Variants in PCID2 observed in about 807,000 individuals in gnomAD.
The protein encoded by PCID2 is PCI domain containing 2.
In PCID2, 41 loss-of-function variants were observed where a neutral mutation model predicts 61.3. That is an observed-to-expected ratio of 0.67 (90% CI 0.52 to 0.87). The LOEUF (loss-of-function observed/expected upper bound fraction) is 0.87. Ranked by LOEUF, PCID2 falls within the 40% of genes least tolerant of loss-of-function variation. PCID2 has a pLI of 0.00. For missense variants in PCID2, 392 were observed against 493.4 expected (o/e 0.79, Z 1.95); for synonymous variants, 187 against 177.8 (o/e 1.05, Z -0.41).
chr13:113,176,688 C>T (rs1020623818), downstream of PCID2, among the ~76,000 whole-genome samples: 9 of 152,206 alleles, frequency 5.9e-5, no homozygotes, highest in South Asian at 4.2e-4. Context: ...ACTTGAGTCT[C>T]GGAGGTCGAG....
chr13:113,205,324 C>A (rs554875532), intron 1 of PCID2, among the ~76,000 whole-genome samples: 3 of 152,104 alleles, frequency 2.0e-5, no homozygotes, highest in African/African-American at 7.2e-5. Flanking sequence ...CAAGAAGATA[C>A]CACTCCGCAC....
chr13:113,199,695 T>C (rs2039275409), intron 2 of PCID2, among the ~76,000 whole-genome samples: 1 of 152,212 alleles, frequency 6.6e-6, no homozygotes, highest in African/African-American at 2.4e-5. Context: ...TCATCGAGTC[T>C]CTAGCACTAA....
chr13:113,168,208 G>A, the PCID2 span, among the ~76,000 whole-genome samples: 1 of 152,260 alleles, frequency 6.6e-6, no homozygotes, highest in Non-Finnish European at 1.5e-5. Context: ...TACATATATA[G>A]TGGAATGCGG....
intron 5 of PCID2, 23 bp from the exon 6 acceptor site, chr13:113,195,148 AGT>A: frequency 6.5e-7 from 1 of 1,530,050 alleles, no homozygotes; most frequent in Non-Finnish European, 9.1e-7. Flanking sequence ...AAAGTAAACA[AGT>A]GTGAGGGGCT....
chr13:113,170,928 C>CT, the PCID2 span, among the ~76,000 whole-genome samples: 5,392 of 146,480 alleles, frequency 0.037, 281 homozygotes, highest in East Asian at 0.22. Context: ...CTATTTCTTT[C>CT]TTTTTTTTTT....
intron 1 of PCID2, among the ~76,000 whole-genome samples, chr13:113,201,583 G>A (rs890538051): frequency 1.3e-5 from 2 of 151,982 alleles, no homozygotes; most frequent in Non-Finnish European, 2.9e-5. Flanking sequence ...AGGCCGAGGC[G>A]GGCAGATCAT....
intron 7 of PCID2, chr13:113,187,848 A>C (rs1317817880): frequency 6.6e-6 from 1 of 152,202 alleles, no homozygotes; most frequent in Non-Finnish European, 1.5e-5. Context: ...ATGAAGTCCA[A>C]TTAATTTTTT....
At chr13:113,184,595 A>T (rs1159073047) in intron 8 of PCID2, 108 bp from the exon 9 acceptor site, 2 of 665,014 alleles carry the variant, frequency 3.0e-6, no homozygotes, top group African/African-American at 3.6e-5. Context: ...AACCTATTAT[A>T]TCATAACAAT....
chr13:113,191,192 T>C (rs1452378527), intron 6 of PCID2, among the ~76,000 whole-genome samples: 5 of 151,646 alleles, frequency 3.3e-5, no homozygotes, highest in African/African-American at 1.2e-4. Flanking sequence ...AAATTTATTT[T>C]AATATTTTTT....
downstream of PCID2, among the ~76,000 whole-genome samples, chr13:113,176,026 G>T (rs1372724847): frequency 1.3e-5 from 2 of 152,252 alleles, no homozygotes; most frequent in Non-Finnish European, 2.9e-5. Flanking sequence ...TCCCCGCCCA[G>T]CCCGGAAGAA....
chr13:113,188,757 T>C (rs2038345314), intron 7 of PCID2: 1 of 152,248 alleles, frequency 6.6e-6, no homozygotes, highest in Admixed American at 6.5e-5. Flanking sequence ...GAAGTTGATT[T>C]GTGAGCCACA....
At chr13:113,189,006 G>A (rs1009686275) in intron 7 of PCID2, among the ~76,000 whole-genome samples, 1 of 152,158 alleles carries the variant, frequency 6.6e-6, no homozygotes, top group African/African-American at 2.4e-5. Flanking sequence ...GTTGTTGGAG[G>A]AGGAACCTAA....
At position 113,208,631 on chromosome 13, in the gene PCID2, C is replaced by A. The variant is rs1362777780; in HGVS notation, c.4G>T (p.Ala2Ser). The change falls in exon 1 of 14, where the codon GCG becomes TCG. Residue 2 changes from alanine to serine, a missense_variant. Physicochemically the swap from Ala to Ser is moderately conservative, Grantham distance 99. Coordinates refer to ENST00000337344, the MANE Select transcript of PCID2 (RefSeq NM_001127202.4). M[A>S]HITINQYLQQ... ...AGGTACTGGTTAATGGTAATGTGCGCCATGGGAGCGCCGCCGAACGGAGAG... is the reference window on the plus strand; with the variant it reads ...AGGTACTGGTTAATGGTAATGTGCGACATGGGAGCGCCGCCGAACGGAGAG... 3.1e-6 allele frequency: 5 copies of A among 1,607,276 alleles called. No individual in the cohort carries two copies. The African/African-American group carries it at 6.7e-5, about 22-fold the overall frequency.
intron 10 of PCID2, among the ~76,000 whole-genome samples, chr13:113,180,704 C>T (rs1275249901): frequency 2.0e-5 from 3 of 152,170 alleles, no homozygotes; most frequent in Non-Finnish European, 4.4e-5. Flanking sequence ...TCTCATTAGT[C>T]AATTAACTTA....
chr13:113,200,776 A>G, intron 1 of PCID2: 1 of 301,596 alleles, frequency 3.3e-6, no homozygotes, highest in Non-Finnish European at 6.2e-6. Context: ...GCGCAATCGT[A>G]AACAATAATT....
Position 113,201,251 on chromosome 13 carries a change from A to C in PCID2, c.37-735T>G, listed in dbSNP as rs949867335. The stretch of plus-strand genomic sequence containing the variant: ...AAATAGATCTGTATGTAGTAAGATG[A>C]GAAAATGTCCACAATATGATGATTA... On this transcript the variant is annotated intron_variant, in intron 1 of 13. Transcript: ENST00000337344. 9.8e-5 allele frequency among the ~76,000 whole-genome samples: 15 copies of C among 152,304 alleles called. No individual in the cohort carries two copies. The East Asian group carries it at 2.7e-3, about 27-fold the overall frequency.
chr13:113,175,527 G>A (rs376476263), downstream of PCID2, among the ~76,000 whole-genome samples: 155 of 152,276 alleles, frequency 1.0e-3, 4 homozygotes, highest in South Asian at 0.031. Flanking sequence ...TCAGATTTCC[G>A]TACCCAACAC....
chr13:113,206,726 C>T (rs2039869311), intron 1 of PCID2, among the ~76,000 whole-genome samples: 1 of 152,172 alleles, frequency 6.6e-6, no homozygotes, highest in Admixed American at 6.5e-5. Flanking sequence ...GCCAGTTCAA[C>T]CAGAAATATT....
chr13:113,187,854 T>C (rs1330044527), intron 7 of PCID2: 1 of 152,192 alleles, frequency 6.6e-6, no homozygotes, highest in African/African-American at 2.4e-5. Context: ...TCCAATTAAT[T>C]TTTTCCTTTG....
Sources: allele counts gnomAD v4.1 joint callset (sites outside exome capture counted in the v4.1 genomes callset), GRCh38; gene constraint gnomAD v4.1.1; transcripts MANE v1.5; gene names NCBI Gene and HGNC (gene_info 2026-07-23, HGNC 2026-07-21).